Variants in OLFM3 observed in about 807,000 individuals in gnomAD.
OLFM3 encodes noelin-3.
Under a neutral mutation model 48.6 loss-of-function variants are expected in OLFM3, and 20 were observed. The observed-to-expected ratio is 0.41, with a 90% CI of 0.29 to 0.60. The LOEUF is 0.60. OLFM3 is among the 20% of genes least tolerant of loss of function. The pLI, the probability that OLFM3 is intolerant of heterozygous loss-of-function variation, is 0.28. For missense variants in OLFM3, 437 were observed against 544.3 expected (o/e 0.80, Z 1.96); for synonymous variants, 222 against 198.1 (o/e 1.12, Z -1.01).
intron 1 of OLFM3, among the ~76,000 whole-genome samples, chr1:101,990,057 A>G (rs1398281436): frequency 1.3e-5 from 2 of 152,154 alleles, no homozygotes; most frequent in African/African-American, 2.4e-5. Context: ...TCTTTCCCCT[A>G]TGTGATCTCT....
At chr1:101,987,907 C>T (rs770572923) in intron 1 of OLFM3, among the ~76,000 whole-genome samples, 9 of 151,982 alleles carry the variant, frequency 5.9e-5, no homozygotes, top group Non-Finnish European at 7.4e-5. Context: ...GTTAATCATA[C>T]AAAATATTTA....
At chr1:101,862,033 G>A (rs1169826847) in intron 1 of OLFM3, among the ~76,000 whole-genome samples, 2 of 152,198 alleles carry the variant, frequency 1.3e-5, no homozygotes, top group Non-Finnish European at 2.9e-5. Context: ...AATCGTGATA[G>A]TGCTAAAAAT....
intron 1 of OLFM3, among the ~76,000 whole-genome samples, chr1:101,865,846 T>C (rs1408433697): frequency 6.6e-6 from 1 of 152,232 alleles, no homozygotes; most frequent in Non-Finnish European, 1.5e-5. Flanking sequence ...TAGATTTGCT[T>C]TAAAAAGGAA....
At chr1:101,897,925 A>G (rs1409354021) in intron 1 of OLFM3, among the ~76,000 whole-genome samples, 1 of 152,120 alleles carries the variant, frequency 6.6e-6, no homozygotes, top group Non-Finnish European at 1.5e-5. Context: ...CAACTTTCCA[A>G]AATTTCTTAT....
chr1:101,820,504 A>G (rs1195250288), intron 4 of OLFM3, among the ~76,000 whole-genome samples: 2 of 152,116 alleles, frequency 1.3e-5, no homozygotes, highest in African/African-American at 4.8e-5. Context: ...ACTTTATCCT[A>G]TTCCATCTTT....
At chr1:101,860,476 C>T (rs935021418) in intron 1 of OLFM3, among the ~76,000 whole-genome samples, 1 of 151,920 alleles carries the variant, frequency 6.6e-6, no homozygotes, top group Admixed American at 6.5e-5. Flanking sequence ...TTGCAAAACT[C>T]TTCAAGGAAT....
chr1:101,883,433 A>G (rs1657615855), intron 1 of OLFM3, among the ~76,000 whole-genome samples: 1 of 151,782 alleles, frequency 6.6e-6, no homozygotes, highest in Non-Finnish European at 1.5e-5. Flanking sequence ...GTCATAAAAT[A>G]TTTCAAGCCA....
At chr1:101,910,020 T>C in intron 1 of OLFM3, 1 of 985,388 alleles carries the variant, frequency 1.0e-6, no homozygotes, top group Non-Finnish European at 1.2e-6. Context: ...TTAAGGTTAT[T>C]TTTCCTCCTC....
At chr1:101,885,617 G>A (rs920002158) in intron 1 of OLFM3, among the ~76,000 whole-genome samples, 2 of 151,926 alleles carry the variant, frequency 1.3e-5, no homozygotes, top group Non-Finnish European at 2.9e-5. Context: ...AGATAATGAG[G>A]ATGAAGACTT....
At chr1:101,833,201 T>C (rs1655248797) in intron 2 of OLFM3, among the ~76,000 whole-genome samples, 1 of 152,238 alleles carries the variant, frequency 6.6e-6, no homozygotes, top group African/African-American at 2.4e-5. Context: ...AATTTTCAAC[T>C]TCATTTGTGT....
chr1:101,977,117 T>G (rs947007784), intron 1 of OLFM3, among the ~76,000 whole-genome samples: 1 of 152,190 alleles, frequency 6.6e-6, no homozygotes, highest in African/African-American at 2.4e-5. Flanking sequence ...TACCAATTTT[T>G]CAAAGGTAGA....
chr1:101,973,191 TG>T (rs762238247), intron 1 of OLFM3, among the ~76,000 whole-genome samples: 20 of 152,230 alleles, frequency 1.3e-4, no homozygotes, highest in Non-Finnish European at 2.5e-4. Context: ...GCATGCCGTC[TG>T]CAGTGGAGAA....
At chr1:101,958,837 A>T (rs774080468) in intron 1 of OLFM3, among the ~76,000 whole-genome samples, 155 of 19,010 alleles carry the variant, frequency 8.2e-3, no homozygotes, top group Non-Finnish European at 0.014. Flanking sequence ...AAGTGATATT[A>T]TATATATATA....
chr1:101,839,684 G>C (rs1200190706), intron 1 of OLFM3, among the ~76,000 whole-genome samples: 2 of 152,206 alleles, frequency 1.3e-5, no homozygotes, highest in African/African-American at 4.8e-5. Context: ...TGGCTAACTA[G>C]TGTGGAGCTC....
intron 1 of OLFM3, among the ~76,000 whole-genome samples, chr1:101,879,108 A>G (rs1657414824): frequency 6.6e-6 from 1 of 151,858 alleles, no homozygotes; most frequent in African/African-American, 2.4e-5. Context: ...AAACTATGAA[A>G]CTTCTTCAGA....
At chr1:101,978,173 C>A (rs1339630999) in intron 1 of OLFM3, among the ~76,000 whole-genome samples, 1 of 151,988 alleles carries the variant, frequency 6.6e-6, no homozygotes, top group Non-Finnish European at 1.5e-5. Context: ...TATTATTTTC[C>A]CAATTGTATT....
chr1:101,926,626 A>G (rs1384692394), intron 1 of OLFM3, among the ~76,000 whole-genome samples: 4 of 152,200 alleles, frequency 2.6e-5, no homozygotes, highest in Non-Finnish European at 4.4e-5. Flanking sequence ...CTCTAGTACA[A>G]TAACTGGCAT....
Position 101,824,251 on chromosome 1 carries a change from T to C in OLFM3, c.592+775A>G, listed in dbSNP as rs144220430. The stretch of plus-strand genomic sequence containing the variant: ...ATCATGTCAACAACTAAAATACTGA[T>C]CCTAAATTAACTTGTAGCTCCTCCT... On this transcript the variant is annotated intron_variant, in intron 4 of 5. Coordinates refer to ENST00000370103, the MANE Select transcript of OLFM3 (RefSeq NM_058170.4). 2.6e-5 allele frequency among the ~76,000 whole-genome samples: 4 copies of C among 152,274 alleles called. No homozygotes were observed. In the East Asian group the frequency reaches 7.7e-4, roughly 29 times the overall value.
At chr1:101,948,510 A>T (rs1049501436) in intron 1 of OLFM3, among the ~76,000 whole-genome samples, 3 of 151,590 alleles carry the variant, frequency 2.0e-5, no homozygotes, top group African/African-American at 7.3e-5. Flanking sequence ...TGTTTAGGTA[A>T]TTTTTTTTGC....
Sources: allele counts gnomAD v4.1 joint callset (sites outside exome capture counted in the v4.1 genomes callset), GRCh38; gene constraint gnomAD v4.1.1; transcripts MANE v1.5; gene names NCBI Gene and HGNC (gene_info 2026-07-23, HGNC 2026-07-21).